KATNIP: variants seen among roughly 807,000 people sequenced by gnomAD.
The protein encoded by KATNIP is katanin-interacting protein.
Under a neutral mutation model 174.0 loss-of-function variants are expected in KATNIP, and 126 were observed. That is an observed-to-expected ratio of 0.72 (90% CI 0.63 to 0.84). The LOEUF (loss-of-function observed/expected upper bound fraction) is 0.84, where lower values mean the gene tolerates loss of function less well. Ranked by LOEUF, KATNIP falls within the 40% of genes least tolerant of loss-of-function variation. The probability of loss-of-function intolerance (pLI) is 0.00; values close to 1 mark genes in which losing one functional copy is unlikely to be tolerated. For missense variants in KATNIP, 1,958 were observed against 2,109.7 expected (o/e 0.93, Z 1.41); for synonymous variants, 810 against 835.7 (o/e 0.97, Z 0.53).
intron 5 of KATNIP, 175 bp downstream of exon 5, chr16:27,631,337 C>T (rs1049733723): frequency 1.0e-4 from 56 of 555,410 alleles, no homozygotes; most frequent in South Asian, 8.7e-4. Context: ...CCCAGAAGTT[C>T]GAGACCAGCT....
At chr16:27,643,054 C>A (rs1303789009) in intron 5 of KATNIP, 1 of 152,214 alleles carries the variant, frequency 6.6e-6, no homozygotes. Flanking sequence ...GGAACACAAC[C>A]GTGCCCATTT....
chr16:27,740,294 T>G lies in KATNIP; in HGVS notation c.1997T>G (p.Leu666Ter). Residue 666 changes from leucine (L) to a stop codon, truncating the protein, a stop_gained, in exon 15 of 28, where the codon TTA becomes TGA. Transcript: ENST00000261588. LOFTEE classifies it high-confidence loss of function. ...GLGCSPPAETLADAKLSSQGN... is the reference protein window; with the variant it reads ...GLGCSPPAET Reference sequence around the variant, plus strand: ...GGTTGCTCACCGCCAGCTGAAACATTAGCGGATGCAAAGCTTTCTTCACAA... The same window carrying G: ...GGTTGCTCACCGCCAGCTGAAACATGAGCGGATGCAAAGCTTTCTTCACAA... 1 of 1,614,174 alleles carries G rather than the reference T, an allele frequency of 6.2e-7. No homozygotes were observed. The highest frequency in any genetic ancestry group is 8.5e-7 in the Non-Finnish European group (1 of 1,180,026).
chr16:27,570,533 C>T (rs986234690), intron 1 of KATNIP, among the ~76,000 whole-genome samples: 8 of 152,142 alleles, frequency 5.3e-5, no homozygotes, highest in African/African-American at 1.9e-4. Context: ...CACCACTGCA[C>T]TCCAGCCTGG....
chr16:27,667,628 C>T (rs1354515262), intron 6 of KATNIP, among the ~76,000 whole-genome samples: 2 of 152,084 alleles, frequency 1.3e-5, no homozygotes, highest in African/African-American at 2.4e-5. Context: ...TGATCTCTAC[C>T]CCCAAGACTG....
chr16:27,588,143 C>T (rs2090972848), intron 2 of KATNIP, among the ~76,000 whole-genome samples: 1 of 152,008 alleles, frequency 6.6e-6, no homozygotes, highest in African/African-American at 2.4e-5. Flanking sequence ...CCTCCTGCCT[C>T]TGCCTCCCAA....
At chr16:27,636,300 G>T (rs772864205) in intron 5 of KATNIP, among the ~76,000 whole-genome samples, 18 of 152,194 alleles carry the variant, frequency 1.2e-4, no homozygotes, top group Non-Finnish European at 2.5e-4. Flanking sequence ...TTTCCTGTTT[G>T]CCAAAGTCCC....
intron 14 of KATNIP, among the ~76,000 whole-genome samples, chr16:27,733,143 G>C (rs1169969206): frequency 6.6e-6 from 1 of 152,170 alleles, no homozygotes; most frequent in Non-Finnish European, 1.5e-5. Context: ...GGGGAAAGTG[G>C]CTTAAGATGC....
intron 2 of KATNIP, among the ~76,000 whole-genome samples, chr16:27,594,945 TG>T (rs1271430135): frequency 6.6e-6 from 1 of 151,840 alleles, no homozygotes. Context: ...TCTGAAACAA[TG>T]GGGAAAAAAG....
In KATNIP at chr16:27,701,782, C is replaced by T. The variant is rs9923148; in HGVS notation, c.1286+87C>T. ...TCATGAGGGTTCTTTGCTTTTCCTACGTTTTTTTCAGACCCCTTATTTCTT... is the reference window on the plus strand; with the variant it reads ...TCATGAGGGTTCTTTGCTTTTCCTATGTTTTTTTCAGACCCCTTATTTCTT... On this transcript the variant is annotated intron_variant, in intron 11 of 27. Transcript: ENST00000261588. 0.14 allele frequency: 130,413 copies of T among 935,366 alleles called. 10,252 individuals carry two copies. The highest frequency in any genetic ancestry group is 0.2 in the African/African-American group (12,027 of 60,210). 57.9% of individuals were successfully genotyped at this position (935,366 alleles called of 1,614,324 possible).
At chr16:27,672,945 A>G (rs1425253488) in intron 6 of KATNIP, among the ~76,000 whole-genome samples, 1 of 152,138 alleles carries the variant, frequency 6.6e-6, no homozygotes, top group East Asian at 1.9e-4. Flanking sequence ...CAGTTGGGAC[A>G]ATTTGGGGCC....
At position 27,777,668 on chromosome 16, in the gene KATNIP, TGG is replaced by T. The variant is rs2082547585; in HGVS notation, c.4615_4616del (p.Gly1539HisfsTer6). Reference sequence around the variant, plus strand: ...ATCCTGGCCATGGTGAGCCACCTGGTGGGGGGCATCCTGCCCACATGTGAGCC... The same window carrying T: ...ATCCTGGCCATGGTGAGCCACCTGGTGGGGCATCCTGCCCACATGTGAGCC... On this transcript the variant is annotated frameshift_variant, in exon 26 of 28. Transcript: ENST00000261588. LOFTEE classifies it high-confidence loss of function. This position sits in a 1 kb window ranked among gnomAD's most constrained non-coding sequence, Gnocchi z 4.4. The T allele has an allele frequency of 2.5e-6, 4 of 1,613,864 alleles. No homozygotes were observed. Among genetic ancestry groups the T allele is most frequent in the Non-Finnish European group, 3.4e-6 (4 of 1,179,908 alleles).
At chr16:27,636,079 A>G (rs2076627770) in intron 5 of KATNIP, among the ~76,000 whole-genome samples, 1 of 152,152 alleles carries the variant, frequency 6.6e-6, no homozygotes, top group Non-Finnish European at 1.5e-5. Flanking sequence ...GCTTGAAGCC[A>G]GGAGTTCAAG....
At chr16:27,734,493 G>A (rs1049415529) in intron 14 of KATNIP, among the ~76,000 whole-genome samples, 1 of 151,532 alleles carries the variant, frequency 6.6e-6, no homozygotes, top group Non-Finnish European at 1.5e-5. Flanking sequence ...GAGGTCAGGA[G>A]TTTGAGACCA....
intron 2 of KATNIP, among the ~76,000 whole-genome samples, chr16:27,592,372 C>T (rs963186489): frequency 6.7e-6 from 1 of 148,284 alleles, no homozygotes; most frequent in Non-Finnish European, 1.5e-5. Flanking sequence ...CAACCTCTGC[C>T]TCCTGGGTTC....
Position 27,618,411 on chromosome 16 carries a change from TTTC to T in KATNIP, c.64-10_64-8del, listed in dbSNP as rs2076102407. 6.2e-7 allele frequency: 1 copy of T among 1,601,946 alleles called. No homozygotes were observed. Among genetic ancestry groups the T allele is most frequent in the East Asian group, 2.2e-5 (1 of 44,824 alleles). ...TGCATTCCGATATCACACTGCTCTG[TTTC>T]TTCATTTCAGGGTTACGCTAAGGAC... On this transcript the variant is annotated splice_polypyrimidine_tract_variant and intron_variant, in intron 2 of 27. Transcript: ENST00000261588.
At position 27,632,489 on chromosome 16, in the gene KATNIP, G is replaced by A. The variant is rs182525309; in HGVS notation, c.408+1327G>A. On this transcript the variant is annotated intron_variant, in intron 5 of 27. Transcript: ENST00000261588. ...ATGGATCCCATCGTCAAAAAATGGC[G>A]GCATTAGCAGGATCTGAGGGTGGAG... 51 of 398,432 alleles carry A rather than the reference G, an allele frequency of 1.3e-4. 1 individual carries two copies. In the Middle Eastern group the frequency reaches 6.4e-3, roughly 50 times the overall value. The allele number at this position is 398,432 out of a possible 1,614,324, so 24.7% of individuals were successfully genotyped here. A position where few individuals can be genotyped will look rare whatever the true frequency, so the allele number is the denominator to read the frequency against.
At position 27,558,226 on chromosome 16, in the gene KATNIP, G is replaced by A. The variant is rs1203683646; in HGVS notation, c.7+8049G>A. 2.6e-5 allele frequency among the ~76,000 whole-genome samples: 4 copies of A among 152,184 alleles called. No individual in the cohort carries two copies. In the East Asian group the frequency reaches 7.7e-4, roughly 29 times the overall value. On this transcript the variant is annotated intron_variant, in intron 1 of 27. Coordinates refer to ENST00000261588, the MANE Select transcript of KATNIP (RefSeq NM_015202.5). ...AGTGGTGCGATCTCAGCTCACTACA[G>A]CCTCTGCCTCCTGGGTTCCAGTGAT...
At position 27,569,809 on chromosome 16, in the gene KATNIP, G is replaced by A. The variant is rs189464214; in HGVS notation, c.8-4092G>A. Among the ~76,000 whole-genome samples the A allele has an allele frequency of 3.3e-5, 5 of 152,292 alleles. No homozygotes were observed. The East Asian group carries it at 5.8e-4, about 18-fold the overall frequency. On this transcript the variant is annotated intron_variant, in intron 1 of 27. Transcript: ENST00000261588. ...GCTCTTAATTGAGTGAATTATCTTC[G>A]TTGGAAAATAAGCAAATTATTTTCC...
At position 27,773,227 on chromosome 16, in the gene KATNIP, G is replaced by A. The variant is rs2082374199; in HGVS notation, c.4309+18G>A. On this transcript the variant is annotated intron_variant, in intron 23 of 27. Coordinates refer to ENST00000261588, the MANE Select transcript of KATNIP (RefSeq NM_015202.5). ...GGAAAACAGTATCCTTTGTAGGACA[G>A]GAGTGGGCTCCACCCAGACTGAAGG... 2 of 1,535,372 alleles carry A rather than the reference G, an allele frequency of 1.3e-6. No individual in the cohort carries two copies. Among genetic ancestry groups the A allele is most frequent in the Non-Finnish European group, 1.8e-6 (2 of 1,115,380 alleles).
Sources: allele counts gnomAD v4.1 joint callset (sites outside exome capture counted in the v4.1 genomes callset), GRCh38; gene constraint gnomAD v4.1.1; non-coding constraint Gnocchi (gnomAD v3.1); transcripts MANE v1.5; gene names NCBI Gene and HGNC (gene_info 2026-07-23, HGNC 2026-07-21).